The following SLC17A1 variants were observed in gnomAD, a reference collection of about 807,000 sequenced individuals.
SLC17A1 encodes the protein sodium-dependent phosphate transport protein 1.
Under a neutral mutation model 53.5 loss-of-function variants are expected in SLC17A1, and 51 were observed. That is an observed-to-expected ratio of 0.95 (90% CI 0.76 to 1.20). The LOEUF (loss-of-function observed/expected upper bound fraction) is 1.20. Ranked by LOEUF, SLC17A1 falls within the 50% of genes most tolerant of loss-of-function variation. The pLI, the probability that SLC17A1 is intolerant of heterozygous loss-of-function variation, is 0.00. For missense variants in SLC17A1, 538 were observed against 568.2 expected (o/e 0.95, Z 0.54); for synonymous variants, 179 against 198.8 (o/e 0.90, Z 0.84).
chr6:25,807,179 A>G, intron 10 of SLC17A1, among the ~76,000 whole-genome samples: 1 of 152,168 alleles, frequency 6.6e-6, no homozygotes, highest in East Asian at 1.9e-4. Flanking sequence ...ACTACTGGGT[A>G]TCTACCCAAA....
chr6:25,779,011 G>T (rs1046894445), downstream of SLC17A1: 1 of 1,608,586 alleles, frequency 6.2e-7, no homozygotes, highest in African/African-American at 1.3e-5. Context: ...AAGAGGGACA[G>T]GAATTGGGTG....
At chr6:25,765,992 A>G in the SLC17A1 span, among the ~76,000 whole-genome samples, 1 of 151,994 alleles carries the variant, frequency 6.6e-6, no homozygotes, top group Non-Finnish European at 1.5e-5. Context: ...AATAGGAGAC[A>G]GAAGCATTGA....
the SLC17A1 span, among the ~76,000 whole-genome samples, chr6:25,775,739 T>C: frequency 0.018 from 2,809 of 152,322 alleles, 100 homozygotes; most frequent in African/African-American, 0.062. Flanking sequence ...AAATTTCCTA[T>C]ATATATTCTT....
the SLC17A1 span, among the ~76,000 whole-genome samples, chr6:25,748,754 A>C: frequency 6.6e-6 from 1 of 152,202 alleles, no homozygotes; most frequent in Non-Finnish European, 1.5e-5. Flanking sequence ...CACGTGAGCA[A>C]AGGAATCTGT....
the SLC17A1 span, chr6:25,726,661 T>G: frequency 3.3e-6 from 4 of 1,216,272 alleles, no homozygotes; most frequent in Non-Finnish European, 4.6e-6. Context: ...AAAGTCGTAC[T>G]AGAATCGCCT....
intron 12 of SLC17A1, among the ~76,000 whole-genome samples, chr6:25,797,236 G>T (rs1440868360): frequency 6.6e-6 from 1 of 152,048 alleles, no homozygotes; most frequent in East Asian, 1.9e-4. Context: ...GCCTATCCTG[G>T]CTGTCTCAGT....
intron 6 of SLC17A1, among the ~76,000 whole-genome samples, chr6:25,817,094 C>T (rs186922313): frequency 4.9e-4 from 74 of 151,822 alleles, no homozygotes; most frequent in Middle Eastern, 3.4e-3. Flanking sequence ...GGTTATCCAC[C>T]CACCTCAGCA....
At chr6:25,762,780 C>G in the SLC17A1 span, among the ~76,000 whole-genome samples, 9 of 152,166 alleles carry the variant, frequency 5.9e-5, no homozygotes, top group Non-Finnish European at 1.3e-4. Context: ...TGTTAGTACT[C>G]AACCTACAAC....
At chr6:25,732,779 C>A in the SLC17A1 span, 8 of 931,754 alleles carry the variant, frequency 8.6e-6, no homozygotes, top group Non-Finnish European at 1.1e-5. Context: ...AGCTGTGCTG[C>A]TGTCCCAAAG....
chr6:25,761,790 A>G, the SLC17A1 span: 1 of 561,316 alleles, frequency 1.8e-6, no homozygotes, highest in East Asian at 3.0e-5. Context: ...TAGAGCCAGG[A>G]TGACAAGTTA....
intron 6 of SLC17A1, among the ~76,000 whole-genome samples, chr6:25,814,055 G>A (rs1341488209): frequency 6.6e-6 from 1 of 152,202 alleles, no homozygotes; most frequent in Non-Finnish European, 1.5e-5. Flanking sequence ...CCTCAGCTAT[G>A]TTCCTGAGAT....
the SLC17A1 span, among the ~76,000 whole-genome samples, chr6:25,765,349 C>T: frequency 6.6e-6 from 1 of 152,182 alleles, no homozygotes; most frequent in South Asian, 2.1e-4. Flanking sequence ...AGGAAAAGTG[C>T]TACTAGCATC....
intron 12 of SLC17A1, among the ~76,000 whole-genome samples, chr6:25,792,369 T>G (rs1447448272): frequency 6.6e-6 from 1 of 152,224 alleles, no homozygotes; most frequent in African/African-American, 2.4e-5. Context: ...GGCTCACGCC[T>G]GTAATCCCAG....
chr6:25,731,729 G>A, the SLC17A1 span: 1 of 1,235,642 alleles, frequency 8.1e-7, no homozygotes, highest in Non-Finnish European at 1.1e-6. Context: ...AACTTTCATT[G>A]GCTCTTAAAA....
chr6:25,780,544 C>T (rs927662662), downstream of SLC17A1: 2 of 152,078 alleles, frequency 1.3e-5, no homozygotes, highest in Non-Finnish European at 2.9e-5. Flanking sequence ...TAGCTATGGC[C>T]AGAGTATAGA....
the SLC17A1 span, chr6:25,727,341 A>T: frequency 6.8e-7 from 1 of 1,478,232 alleles, no homozygotes; most frequent in Non-Finnish European, 9.1e-7. Context: ...TTTCAGAGCC[A>T]CTTAAACATA....
intron 12 of SLC17A1, among the ~76,000 whole-genome samples, chr6:25,798,350 G>C (rs552696933): frequency 1.8e-4 from 28 of 152,274 alleles, no homozygotes; most frequent in African/African-American, 6.7e-4. Flanking sequence ...AATCATTTTA[G>C]TCAGGGTTAC....
intron 12 of SLC17A1, among the ~76,000 whole-genome samples, chr6:25,796,087 T>G (rs1006443014): frequency 6.6e-6 from 1 of 152,192 alleles, no homozygotes; most frequent in Non-Finnish European, 1.5e-5. Context: ...CCCCACTCTG[T>G]GCCTTGGAAA....
At position 25,819,898 on chromosome 6, in the gene SLC17A1, C is replaced by T. The variant is rs149708935; in HGVS notation, c.225G>A (p.Trp75Ter). The change falls in exon 4 of 13, where the codon TGG (tryptophan) becomes TGA (stop). Residue 75 changes from tryptophan (W) to a stop codon, truncating the protein, a stop_gained. Coordinates refer to ENST00000244527, the MANE Select transcript of SLC17A1 (RefSeq NM_005074.5). LOFTEE classifies it high-confidence loss of function. ...LDNIKNPMYN[W>*]SPDIQGIILS... ...AGATGATTCCCTGGATATCTGGGCTCCAATTATACATAGGGTTCTAAAAGA... is the reference window on the plus strand; with the variant it reads ...AGATGATTCCCTGGATATCTGGGCTTCAATTATACATAGGGTTCTAAAAGA... The T allele has an allele frequency of 6.2e-6, 10 of 1,610,620 alleles. No homozygotes were observed. Among genetic ancestry groups the T allele is most frequent in the East Asian group, 2.2e-5 (1 of 44,858 alleles).
Sources: gnomAD v4.1 joint callset for allele counts (sites outside exome capture counted in the v4.1 genomes callset) on GRCh38, gnomAD v4.1.1 for gene constraint, MANE v1.5 for transcripts, NCBI Gene and HGNC (gene_info 2026-07-23, HGNC 2026-07-21) for gene names.